SH3GL2: variants seen among roughly 807,000 people sequenced by gnomAD.
The protein encoded by SH3GL2 is endophilin-A1.
SH3GL2 carries 24 observed loss-of-function variants against 46.0 expected under a neutral mutation model. That is an observed-to-expected ratio of 0.52 (90% CI 0.38 to 0.73). SH3GL2 has a LOEUF of 0.73. Among genes scored for constraint, SH3GL2 ranks in the 30% least tolerant of loss-of-function variants. The probability of loss-of-function intolerance (pLI) is 0.00; values close to 1 mark genes in which losing one functional copy is unlikely to be tolerated. For synonymous variants in SH3GL2, 196 were observed against 147.1 expected (o/e 1.33, Z -2.40); for missense variants, 413 against 424.2 (o/e 0.97, Z 0.23).
intron 1 of SH3GL2, among the ~76,000 whole-genome samples, chr9:17,679,325 T>C (rs1164028716): frequency 1.3e-5 from 2 of 152,188 alleles, no homozygotes; most frequent in East Asian, 3.8e-4. Context: ...TGGTTTGTAG[T>C]TCTCCTTGAA....
At chr9:17,604,311 T>C (rs1292377889) in intron 1 of SH3GL2, among the ~76,000 whole-genome samples, 2 of 152,246 alleles carry the variant, frequency 1.3e-5, no homozygotes, top group East Asian at 1.9e-4. Flanking sequence ...CCGTTAACTT[T>C]TCTAAACCTG....
chr9:17,697,833 G>C (rs1356402458), intron 1 of SH3GL2, among the ~76,000 whole-genome samples: 1 of 152,188 alleles, frequency 6.6e-6, no homozygotes, highest in African/African-American at 2.4e-5. Flanking sequence ...GACTTGGCCT[G>C]TGTTGCGCCT....
intron 1 of SH3GL2, among the ~76,000 whole-genome samples, chr9:17,672,730 T>C (rs1820504836): frequency 6.6e-6 from 1 of 152,134 alleles, no homozygotes; most frequent in African/African-American, 2.4e-5. Context: ...ACCGTGTAAA[T>C]AACTAACTTC....
chr9:17,702,665 T>C (rs1042907785), intron 1 of SH3GL2, among the ~76,000 whole-genome samples: 31 of 152,210 alleles, frequency 2.0e-4, no homozygotes, highest in African/African-American at 7.0e-4. Context: ...CTCAACACAT[T>C]AAAATGCCAT....
intron 2 of SH3GL2, among the ~76,000 whole-genome samples, chr9:17,752,413 T>C (rs1480471377): frequency 6.6e-6 from 1 of 152,200 alleles, no homozygotes; most frequent in Non-Finnish European, 1.5e-5. Flanking sequence ...CATATGCCTT[T>C]TTAATATTTC....
chr9:17,611,203 A>G (rs1361602118), intron 1 of SH3GL2, among the ~76,000 whole-genome samples: 1 of 152,144 alleles, frequency 6.6e-6, no homozygotes, highest in African/African-American at 2.4e-5. Context: ...CCTAACAATT[A>G]TTTTACTATA....
chr9:17,747,684 TA>T (rs1394995962), intron 2 of SH3GL2, among the ~76,000 whole-genome samples: 2 of 152,112 alleles, frequency 1.3e-5, no homozygotes, highest in Admixed American at 6.6e-5. Context: ...TTATTGTTAT[TA>T]TTTTTTTGAG....
rs532954595 is a variant in SH3GL2 at position 17,656,421 on chromosome 9, C to T, written c.45+77134C>T. 3.0e-4 allele frequency among the ~76,000 whole-genome samples: 46 copies of T among 151,640 alleles called. 1 individual carries two copies. Among genetic ancestry groups the T allele is most frequent in the Non-Finnish European group, 5.2e-4 (35 of 67,918 alleles). On this transcript the variant is annotated intron_variant, in intron 1 of 8. Coordinates refer to ENST00000380607, the MANE Select transcript of SH3GL2 (RefSeq NM_003026.5). The stretch of plus-strand genomic sequence containing the variant: ...TTTTTTTTTACTGGAGACGAGAGTT[C>T]CATAATTGAAAAAATATCCTATGCC...
At chr9:17,772,499 C>G (rs1414909177) in intron 3 of SH3GL2, among the ~76,000 whole-genome samples, 3 of 152,144 alleles carry the variant, frequency 2.0e-5, no homozygotes, top group Non-Finnish European at 4.4e-5. Flanking sequence ...AATAACTCCC[C>G]CTTTCCTACT....
chr9:17,650,544 G>A (rs1183408076), intron 1 of SH3GL2, among the ~76,000 whole-genome samples: 1 of 152,034 alleles, frequency 6.6e-6, no homozygotes, highest in Non-Finnish European at 1.5e-5. Context: ...GCTAATTTTT[G>A]TATTTTTAGT....
intron 1 of SH3GL2, among the ~76,000 whole-genome samples, chr9:17,724,724 T>A (rs1349781772): frequency 1.3e-5 from 2 of 152,174 alleles, no homozygotes; most frequent in African/African-American, 4.8e-5. Context: ...GTTTGCTCAT[T>A]TGTTTATTTG....
Position 17,791,427 on chromosome 9 carries a change from A to G in SH3GL2, c.728+93A>G, listed in dbSNP as rs181158801. 18 of 919,818 alleles carry G rather than the reference A, an allele frequency of 2.0e-5. No individual in the cohort carries two copies. In the Admixed American group the frequency reaches 3.0e-4, roughly 15 times the overall value. 57.0% of individuals were successfully genotyped at this position (919,818 alleles called of 1,614,324 possible). A position where few individuals can be genotyped will look rare whatever the true frequency, so the allele number is the denominator to read the frequency against. On this transcript the variant is annotated intron_variant, in intron 7 of 8. Coordinates refer to ENST00000380607, the MANE Select transcript of SH3GL2 (RefSeq NM_003026.5). ...AAATCATAGAATACATTTGGAGACAAACGTCTGCCAAAATTCCGCTTATCC... is the reference window on the plus strand; with the variant it reads ...AAATCATAGAATACATTTGGAGACAGACGTCTGCCAAAATTCCGCTTATCC...
At chr9:17,625,885 G>C (rs1444347116) in intron 1 of SH3GL2, among the ~76,000 whole-genome samples, 1 of 152,220 alleles carries the variant, frequency 6.6e-6, no homozygotes, top group East Asian at 1.9e-4. Flanking sequence ...CCTGTCCCAG[G>C]AGGTATGTCT....
intron 1 of SH3GL2, among the ~76,000 whole-genome samples, chr9:17,654,048 C>A (rs1340993624): frequency 6.6e-6 from 1 of 152,166 alleles, no homozygotes; most frequent in Non-Finnish European, 1.5e-5. Context: ...GACTTTACCC[C>A]CCTCTCTCAT....
chr9:17,631,214 T>G (rs1819414530), intron 1 of SH3GL2, among the ~76,000 whole-genome samples: 1 of 152,218 alleles, frequency 6.6e-6, no homozygotes, highest in Non-Finnish European at 1.5e-5. Flanking sequence ...CGGAGCAGTT[T>G]CCAAGGCTTC....
At chr9:17,661,192 T>A (rs1820203687) in intron 1 of SH3GL2, among the ~76,000 whole-genome samples, 1 of 151,502 alleles carries the variant, frequency 6.6e-6, no homozygotes, top group Non-Finnish European at 1.5e-5. Context: ...AAAACAAAAT[T>A]AATGTTCAGC....
At chr9:17,614,018 T>G (rs1227185227) in intron 1 of SH3GL2, among the ~76,000 whole-genome samples, 2 of 147,192 alleles carry the variant, frequency 1.4e-5, no homozygotes, top group Non-Finnish European at 3.1e-5. Flanking sequence ...CTCCTTCTCC[T>G]TCTTTGGCGG....
At chr9:17,757,978 T>C (rs1220586936) in intron 2 of SH3GL2, among the ~76,000 whole-genome samples, 1 of 152,152 alleles carries the variant, frequency 6.6e-6, no homozygotes, top group African/African-American at 2.4e-5. Flanking sequence ...CTGGGCATTA[T>C]TATGGAGGAC....
chr9:17,684,124 C>G (rs991937148), intron 1 of SH3GL2, among the ~76,000 whole-genome samples: 1 of 151,962 alleles, frequency 6.6e-6, no homozygotes, highest in Admixed American at 6.6e-5. Flanking sequence ...CAGATATGAA[C>G]CAGATGTTAG....
Sources: gnomAD v4.1 joint callset for allele counts (sites outside exome capture counted in the v4.1 genomes callset) on GRCh38, gnomAD v4.1.1 for gene constraint, MANE v1.5 for transcripts, NCBI Gene and HGNC (gene_info 2026-07-23, HGNC 2026-07-21) for gene names.